MRPS18A: variants seen among roughly 807,000 people sequenced by gnomAD.
The protein encoded by MRPS18A is mitochondrial ribosomal protein S18A.
MRPS18A carries 20 observed loss-of-function variants against 22.7 expected under a neutral mutation model. The ratio of observed to expected loss-of-function variants is 0.88; its 90% CI spans 0.62 to 1.28. The LOEUF is 1.28. Ranked by LOEUF, MRPS18A falls within the 50% of genes most tolerant of loss-of-function variation. The probability of loss-of-function intolerance (pLI) is 0.00; values close to 1 mark genes in which losing one functional copy is unlikely to be tolerated. For synonymous variants in MRPS18A, 106 were observed against 99.1 expected, an observed-to-expected ratio of 1.07 and a Z score of -0.41; for missense variants, 294 against 262.6, an observed-to-expected ratio of 1.12 and a Z score of -0.83.
At chr6:43,675,803 G>T (rs536243727) in intron 3 of MRPS18A, among the ~76,000 whole-genome samples, 186 bp from the exon 4 acceptor site, 1 of 152,112 alleles carries the variant, frequency 6.6e-6, no homozygotes, top group African/African-American at 2.4e-5. Flanking sequence ...TCCCAACTTA[G>T]TAAGATTTTC....
At position 43,686,877 on chromosome 6, in the gene MRPS18A, T is replaced by C. The variant is rs561312919; in HGVS notation, c.112+791A>G. ...GCCTGCTCAAGACACATCCTCTTTA[T>C]GAAAACTTCCAACTGGGTTTGCCGT... On this transcript the variant is annotated intron_variant, in intron 1 of 5. Transcript: ENST00000372133. 1.3e-4 allele frequency among the ~76,000 whole-genome samples: 20 copies of C among 152,370 alleles called. No homozygotes were observed. The South Asian group carries it at 4.1e-3, about 32-fold the overall frequency.
chr6:43,674,322 T>C (rs1341901136), intron 5 of MRPS18A, among the ~76,000 whole-genome samples: 1 of 152,092 alleles, frequency 6.6e-6, no homozygotes, highest in Non-Finnish European at 1.5e-5. Context: ...TTTGATACCT[T>C]ACAGAGAGCA....
At chr6:43,685,036 C>A (rs971350442) in intron 1 of MRPS18A, among the ~76,000 whole-genome samples, 3 of 152,008 alleles carry the variant, frequency 2.0e-5, no homozygotes, top group Non-Finnish European at 2.9e-5. Context: ...TAAGGGAGGC[C>A]CTGCCATGGA....
rs1773985641 is a variant in MRPS18A, at chr6:43,675,222, C to T, written c.426G>A (p.Lys142=). 6.6e-7 allele frequency: 1 copy of T among 1,521,250 alleles called. No individual in the cohort carries two copies. The allele number at this position is 1,521,250 out of a possible 1,614,324, so 94.2% of individuals were successfully genotyped here. A position where few individuals can be genotyped will look rare whatever the true frequency, so the allele number is the denominator to read the frequency against. The change falls in exon 5 of 6, where the codon AAG becomes AAA. Residue 142 remains lysine, a synonymous_variant. Coordinates refer to ENST00000372133, the MANE Select transcript of MRPS18A (RefSeq NM_018135.4). ...CTTACCGGTTGAGTTGGGGTTTGCT[C>T]TTCGGAACAACTCCTTCAGGAAGCC... ...RPRLPEGVVP[K]SKPQLNRYLT...
At chr6:43,679,209 G>C (rs891645144) in intron 2 of MRPS18A, among the ~76,000 whole-genome samples, 1 of 152,128 alleles carries the variant, frequency 6.6e-6, no homozygotes, top group African/African-American at 2.4e-5. Flanking sequence ...TAATTGTCAC[G>C]ACTGGGGGAG....
chr6:43,672,416 G>A lies in MRPS18A; in HGVS notation c.447-510C>T, dbSNP rs1330839477. Reference sequence around the variant, plus strand: ...GATGGGAATCAAGGGGTAAGGGCCCGTGGGCGCAGCCCTAGCCTAGGAAGG... The same window carrying A: ...GATGGGAATCAAGGGGTAAGGGCCCATGGGCGCAGCCCTAGCCTAGGAAGG... On this transcript the variant is annotated intron_variant, in intron 5 of 5. Coordinates refer to ENST00000372133, the MANE Select transcript of MRPS18A (RefSeq NM_018135.4). The A allele has an allele frequency of 3.2e-5, 15 of 471,238 alleles. No homozygotes were observed. In the Middle Eastern group the frequency reaches 3.9e-3, roughly 123 times the overall value. 29.2% of individuals were successfully genotyped at this position (471,238 alleles called of 1,614,324 possible).
rs1237143473 is a variant in MRPS18A, at chr6:43,672,353, A to G, written c.447-447T>C. On this transcript the variant is annotated intron_variant, in intron 5 of 5. Transcript: ENST00000372133. ...CCTTCAGGGAACTCCCCAGGGTACTATAACTGGTATAAGACCCCTGCCCCT... is the reference window on the plus strand; with the variant it reads ...CCTTCAGGGAACTCCCCAGGGTACTGTAACTGGTATAAGACCCCTGCCCCT... 2 of 472,514 alleles carry G rather than the reference A, an allele frequency of 4.2e-6. 1 individual carries two copies. The highest frequency in any genetic ancestry group is 3.1e-5 in the South Asian group (2 of 64,572). 29.3% of individuals were successfully genotyped at this position (472,514 alleles called of 1,614,324 possible).
In MRPS18A at chr6:43,678,496, G is replaced by A. The variant is rs757060235; in HGVS notation, c.252+22C>T. The A allele has an allele frequency of 5.2e-6, 8 of 1,540,686 alleles. No homozygotes were observed. In the Admixed American group the frequency reaches 1.0e-4, roughly 19 times the overall value. Reference sequence around the variant, plus strand: ...AGAACTTCATGACACACAGAACCGAGTGTCTCTGTACCCAGACTCACGTCA... The same window carrying A: ...AGAACTTCATGACACACAGAACCGAATGTCTCTGTACCCAGACTCACGTCA... On this transcript the variant is annotated intron_variant, in intron 3 of 5. Coordinates refer to ENST00000372133, the MANE Select transcript of MRPS18A (RefSeq NM_018135.4).
intron 1 of MRPS18A, 80 bp downstream of exon 1, chr6:43,687,588 G>C (rs1474596388): frequency 8.0e-7 from 1 of 1,252,720 alleles, no homozygotes; most frequent in Admixed American, 2.1e-5. Flanking sequence ...GGAAAGGTAG[G>C]AAGGAGCGCA....
Position 43,687,733 on chromosome 6 carries a change from C to T in MRPS18A, c.47G>A (p.Arg16His), listed in dbSNP as rs866474255. 6.3e-7 allele frequency: 1 copy of T among 1,587,620 alleles called. No individual in the cohort carries two copies. Among genetic ancestry groups the T allele is most frequent in the Non-Finnish European group, 8.6e-7 (1 of 1,167,130 alleles). Reference protein sequence around the residue: ...ALVSGCGRLLRGLLAGPAATS... With the variant: ...ALVSGCGRLLHGLLAGPAATS... Reference sequence around the variant, plus strand: ...CGCTGCCGGGCCCGCTAGTAGCCCACGGAGAAGCCGCCCACAGCCGGACAC... The same window carrying T: ...CGCTGCCGGGCCCGCTAGTAGCCCATGGAGAAGCCGCCCACAGCCGGACAC... The change falls in exon 1 of 6, where the codon CGT becomes CAT. Residue 16 changes from arginine to histidine, a missense_variant. Coordinates refer to ENST00000372133, the MANE Select transcript of MRPS18A (RefSeq NM_018135.4).
intron 2 of MRPS18A, 23 bp from the exon 3 acceptor site, chr6:43,678,648 C>T (rs540110094): frequency 1.3e-6 from 2 of 1,561,702 alleles, no homozygotes; most frequent in South Asian, 1.1e-5. Context: ...GAAAGTGAGC[C>T]AGTGTGAGAG....
chr6:43,682,849 T>C (rs1473048530), intron 1 of MRPS18A, among the ~76,000 whole-genome samples: 3 of 152,294 alleles, frequency 2.0e-5, no homozygotes, highest in East Asian at 3.9e-4. Flanking sequence ...CCCAGTCCAG[T>C]AGGGGTTCCA....
At chr6:43,682,011 T>C (rs79752131) in intron 1 of MRPS18A, among the ~76,000 whole-genome samples, 9,199 of 152,294 alleles carry the variant, frequency 0.06, 337 homozygotes, top group South Asian at 0.097. Context: ...TTTAGAAAGA[T>C]AGAAGCCAGA....
At chr6:43,675,747 C>A in intron 3 of MRPS18A, 130 bp from the exon 4 acceptor site, 1 of 1,089,778 alleles carries the variant, frequency 9.2e-7, no homozygotes, top group Non-Finnish European at 1.3e-6. Flanking sequence ...TTCCTCCACA[C>A]AGAGCTTTGC....
Position 43,678,594 on chromosome 6 carries a change from T to C in MRPS18A, c.176A>G (p.Glu59Gly), listed in dbSNP as rs778461488. 6.2e-7 allele frequency: 1 copy of C among 1,613,842 alleles called. No individual in the cohort carries two copies. ...IEGRITATPK[E>G]SPNPPNPSGQ... ...AGAGGGGTTAGGAGGATTTGGACTC[T>C]CCTTGGGAGTCGCTGTGATACGGCC... The change falls in exon 3 of 6, where the codon GAG (glutamate) becomes GGG (glycine). Residue 59 changes from glutamate to glycine, a missense_variant. Coordinates refer to ENST00000372133, the MANE Select transcript of MRPS18A (RefSeq NM_018135.4).
chr6:43,687,657 G>A lies in MRPS18A; in HGVS notation c.112+11C>T. 9.1e-7 allele frequency: 1 copy of A among 1,100,034 alleles called. No homozygotes were observed. Among genetic ancestry groups the A allele is most frequent in the East Asian group, 2.8e-5 (1 of 35,576 alleles). 68.1% of individuals were successfully genotyped at this position (1,100,034 alleles called of 1,614,324 possible). On this transcript the variant is annotated intron_variant, in intron 1 of 5. Transcript: ENST00000372133. ...CTTAATTTCAGGAGGTTGCTGGGAC[G>A]CATGACTCACCTTCCCTGAACCCGC...
chr6:43,671,792 G>C lies in MRPS18A; in HGVS notation c.561C>G (p.Tyr187Ter), dbSNP rs1561948016. ...GATACAGCTTCCAAGGTGTTCTTGA[G>C]TAGCAGACATTGTCCCTCAGAAGGG... ...GSPLLRDNVC[Y>*]SRTPWKLYH Residue 187 changes from tyrosine to a stop codon, truncating the protein, a stop_gained, in exon 6 of 6, where the codon TAC becomes TAG. Coordinates refer to ENST00000372133, the MANE Select transcript of MRPS18A (RefSeq NM_018135.4). LOFTEE classifies it high-confidence loss of function. 6.2e-7 allele frequency: 1 copy of C among 1,614,102 alleles called. No individual in the cohort carries two copies. Among genetic ancestry groups the C allele is most frequent in the Non-Finnish European group, 8.5e-7 (1 of 1,180,038 alleles).
intron 3 of MRPS18A, 54 bp downstream of exon 3, chr6:43,678,457 AACCAGGG>A: frequency 7.9e-7 from 1 of 1,272,580 alleles, no homozygotes; most frequent in Non-Finnish European, 1.1e-6. Flanking sequence ...TGCTCCAGTT[AACCAGGG>A]AATCTGAGAA....
intron 2 of MRPS18A, among the ~76,000 whole-genome samples, chr6:43,679,656 A>G (rs1774277339): frequency 6.6e-6 from 1 of 152,110 alleles, no homozygotes; most frequent in Non-Finnish European, 1.5e-5. Context: ...GACGGGTCTG[A>G]GAGGCTTTGG....
Sources: allele counts gnomAD v4.1 joint callset (sites outside exome capture counted in the v4.1 genomes callset), GRCh38; gene constraint gnomAD v4.1.1; transcripts MANE v1.5; gene names NCBI Gene and HGNC (gene_info 2026-07-23, HGNC 2026-07-21).